The following ANKS1B variants were observed in gnomAD, a reference collection of about 807,000 sequenced individuals.
ANKS1B encodes ankyrin repeat and sterile alpha motif domain-containing protein 1B.
Under a neutral mutation model 148.3 loss-of-function variants are expected in ANKS1B, and 36 were observed. That is an observed-to-expected ratio of 0.24 (90% CI 0.19 to 0.32). ANKS1B has a LOEUF of 0.32. Among genes scored for constraint, ANKS1B ranks in the 10% least tolerant of loss-of-function variants. ANKS1B has a pLI of 1.00. For synonymous variants in ANKS1B, 542 were observed against 560.8 expected (o/e 0.97, Z 0.47); for missense variants, 1,157 against 1,542.6 (o/e 0.75, Z 4.19).
chr12:99,364,866 T>C lies in ANKS1B; in HGVS notation c.1756+34765A>G, dbSNP rs114770402. Among the ~76,000 whole-genome samples the C allele has an allele frequency of 3.6e-3, 550 of 152,342 alleles. 1 individual carries two copies. Among genetic ancestry groups the C allele is most frequent in the African/African-American group, 0.012 (513 of 41,572 alleles). ...CACAAACTGCCACCAATGAGGAAGATAGACAAGGGTCCTAGGGGCAGTGAG... is the reference window on the plus strand; with the variant it reads ...CACAAACTGCCACCAATGAGGAAGACAGACAAGGGTCCTAGGGGCAGTGAG... On this transcript the variant is annotated intron_variant, in intron 12 of 26. Coordinates refer to ENST00000683438, the MANE Select transcript of ANKS1B (RefSeq NM_001352186.2).
At chr12:98,866,775 T>TCCTG (rs2099626714) in intron 17 of ANKS1B, among the ~76,000 whole-genome samples, 1 of 152,232 alleles carries the variant, frequency 6.6e-6, no homozygotes, top group Admixed American at 6.5e-5. Flanking sequence ...AGAAAGTTCC[T>TCCTG]CCTGCCCTTC....
At chr12:99,593,900 A>T (rs1262135342) in intron 9 of ANKS1B, among the ~76,000 whole-genome samples, 1 of 152,092 alleles carries the variant, frequency 6.6e-6, no homozygotes, top group Non-Finnish European at 1.5e-5. Context: ...TCAGTTTACA[A>T]AGTGCCTGTA....
chr12:99,461,994 T>C (rs2095983166), intron 10 of ANKS1B, among the ~76,000 whole-genome samples: 1 of 152,208 alleles, frequency 6.6e-6, no homozygotes, highest in Admixed American at 6.5e-5. Flanking sequence ...TCAGTCCCTT[T>C]CCATCTTCAC....
chr12:98,814,070 A>AG (rs11388136), intron 19 of ANKS1B, among the ~76,000 whole-genome samples: 151,738 of 151,760 alleles, frequency 1, 75,858 homozygotes, highest in Middle Eastern at 1. Context: ...TAGTAGAGAC[A>AG]GGTTTCACCA....
chr12:99,554,819 T>C (rs1221211888), intron 9 of ANKS1B, among the ~76,000 whole-genome samples: 5 of 152,188 alleles, frequency 3.3e-5, no homozygotes, highest in African/African-American at 7.2e-5. Context: ...TAATATCCAA[T>C]TGGTAGTTTT....
At chr12:99,223,853 T>C (rs1452946812) in intron 14 of ANKS1B, among the ~76,000 whole-genome samples, 2 of 152,220 alleles carry the variant, frequency 1.3e-5, no homozygotes, top group Non-Finnish European at 2.9e-5. Context: ...AAACTAGCTG[T>C]GAAGCGTTTG....
chr12:99,698,382 AGT>A (rs375654416), intron 8 of ANKS1B, among the ~76,000 whole-genome samples: 4 of 151,990 alleles, frequency 2.6e-5, no homozygotes, highest in South Asian at 2.1e-4. Flanking sequence ...CAGCAATTTA[AGT>A]GTGTGTGTGT....
Position 98,832,066 on chromosome 12 carries a change from T to C in ANKS1B, c.2849A>G (p.Asp950Gly). ...GGACCGAGGGGGCTTCTGTGGGGGA[T>C]CGTCGTGCAGCCTGTCTCCCAGAGA... ...LASLGDRLHD[D>G]PPQKPPRSIT... The change falls in exon 18 of 27, where the codon GAT (aspartate) becomes GGT (glycine). Residue 950 changes from aspartate to glycine, a missense_variant. By Grantham distance (94) the Asp-to-Gly change is moderately conservative (BLOSUM62 -1). Transcript: ENST00000683438. 2 of 1,598,612 alleles carry C rather than the reference T, an allele frequency of 1.3e-6. No homozygotes were observed. Among genetic ancestry groups the C allele is most frequent in the Non-Finnish European group, 1.7e-6 (2 of 1,172,384 alleles).
chr12:99,031,103 A>G (rs753445914), intron 17 of ANKS1B, among the ~76,000 whole-genome samples: 13 of 152,236 alleles, frequency 8.5e-5, no homozygotes, highest in Non-Finnish European at 1.9e-4. Context: ...TTCTGGTGCT[A>G]CTAACGTAAA....
chr12:99,588,596 A>C (rs73141677), intron 9 of ANKS1B, among the ~76,000 whole-genome samples: 18,027 of 152,100 alleles, frequency 0.12, 1,339 homozygotes, highest in Non-Finnish European at 0.16. Flanking sequence ...GAAAAAATGT[A>C]ATATTTTGTA....
chr12:99,317,730 T>C (rs967297948), intron 12 of ANKS1B, among the ~76,000 whole-genome samples: 8 of 152,260 alleles, frequency 5.3e-5, no homozygotes, highest in East Asian at 1.9e-4. Flanking sequence ...AGAGGGCATC[T>C]CTGTCTTGTG....
chr12:99,452,210 G>T (rs895907593), intron 10 of ANKS1B, among the ~76,000 whole-genome samples: 3 of 151,930 alleles, frequency 2.0e-5, no homozygotes, highest in African/African-American at 7.3e-5. Context: ...CGTATTCCAA[G>T]AAAATTTTAC....
intron 10 of ANKS1B, among the ~76,000 whole-genome samples, chr12:99,492,483 G>C (rs1055230591): frequency 5.9e-5 from 9 of 152,076 alleles, no homozygotes; most frequent in Non-Finnish European, 1.3e-4. Context: ...ACAAAGAAGA[G>C]CTGGTACCAT....
rs1003932308 is a variant in ANKS1B at position 99,773,106 on chromosome 12, T to C, written c.962-18A>G. ...GGTTTCACCTATGAGAATAATTTTT[T>C]CAGAAGTTTCAAGAAAGGCTATTGT... On this transcript the variant is annotated intron_variant, in intron 7 of 26. Transcript: ENST00000683438. 10 of 1,584,218 alleles carry C rather than the reference T, an allele frequency of 6.3e-6. No homozygotes were observed. Among genetic ancestry groups the C allele is most frequent in the Non-Finnish European group, 7.7e-6 (9 of 1,166,986 alleles).
chr12:99,581,193 T>A (rs1019339507), intron 9 of ANKS1B, among the ~76,000 whole-genome samples: 9 of 152,162 alleles, frequency 5.9e-5, no homozygotes, highest in African/African-American at 2.2e-4. Flanking sequence ...TGCATGGGTT[T>A]TGACATAAGA....
At chr12:99,308,357 G>A (rs773965475) in intron 12 of ANKS1B, among the ~76,000 whole-genome samples, 3 of 151,708 alleles carry the variant, frequency 2.0e-5, no homozygotes, top group Non-Finnish European at 2.9e-5. Context: ...GTTGACAAGG[G>A]GCTTTATATT....
chr12:99,512,584 A>T (rs1333455044), intron 9 of ANKS1B, among the ~76,000 whole-genome samples: 4 of 152,158 alleles, frequency 2.6e-5, no homozygotes, highest in Non-Finnish European at 1.5e-5. Context: ...TCATTCTATT[A>T]TAAAGATACA....
intron 17 of ANKS1B, among the ~76,000 whole-genome samples, chr12:98,922,689 G>A (rs1473606671): frequency 6.6e-6 from 1 of 151,950 alleles, no homozygotes; most frequent in Non-Finnish European, 1.5e-5. Flanking sequence ...AGTAGAGATG[G>A]GGTTTCACCA....
chr12:99,838,694 C>A (rs897621596), intron 1 of ANKS1B, among the ~76,000 whole-genome samples: 1 of 152,056 alleles, frequency 6.6e-6, no homozygotes. Context: ...AAAGAAAGGT[C>A]TTCCTGATTA....
Sources: gnomAD v4.1 joint callset for allele counts (sites outside exome capture counted in the v4.1 genomes callset) on GRCh38, gnomAD v4.1.1 for gene constraint, MANE v1.5 for transcripts, NCBI Gene and HGNC (gene_info 2026-07-23, HGNC 2026-07-21) for gene names.